KIF26B: variants seen among roughly 807,000 people sequenced by gnomAD.
The protein encoded by KIF26B is kinesin-like protein KIF26B.
Under a neutral mutation model 151.2 loss-of-function variants are expected in KIF26B, and 63 were observed. That is an observed-to-expected ratio of 0.42 (90% CI 0.34 to 0.51). KIF26B has a LOEUF of 0.51. Ranked by LOEUF, KIF26B falls within the 20% of genes least tolerant of loss-of-function variation. KIF26B has a pLI of 0.07. For missense variants in KIF26B, 2,813 were observed against 2,913.6 expected (o/e 0.97, Z 0.79); for synonymous variants, 1,357 against 1,262.1 (o/e 1.08, Z -1.59).
At chr1:245,509,594 G>A (rs1660790886) in intron 4 of KIF26B, among the ~76,000 whole-genome samples, 1 of 152,222 alleles carries the variant, frequency 6.6e-6, no homozygotes, top group African/African-American at 2.4e-5. Context: ...TGTCAATGAA[G>A]CAATGGGTCT....
chr1:245,366,083 A>G (rs1301863422), intron 2 of KIF26B, among the ~76,000 whole-genome samples: 1 of 152,202 alleles, frequency 6.6e-6, no homozygotes, highest in East Asian at 1.9e-4. Context: ...TCCATCTGCA[A>G]CTAACTTTCT....
At chr1:245,646,325 T>G in intron 10 of KIF26B, 45 bp downstream of exon 10, 1 of 1,595,502 alleles carries the variant, frequency 6.3e-7, no homozygotes, top group South Asian at 1.1e-5. Flanking sequence ...GTAAGCATGG[T>G]GTGGGACGCT....
intron 5 of KIF26B, among the ~76,000 whole-genome samples, chr1:245,599,953 GCT>G (rs2043374645): frequency 1.3e-5 from 2 of 151,950 alleles, no homozygotes; most frequent in Non-Finnish European, 2.9e-5. Flanking sequence ...TTCATAACTA[GCT>G]CTGTCTGTCG....
chr1:245,159,292 G>C (rs1668497206), intron 2 of KIF26B, among the ~76,000 whole-genome samples: 3 of 152,154 alleles, frequency 2.0e-5, no homozygotes, highest in Admixed American at 2.0e-4. Flanking sequence ...ATGTCTCCTA[G>C]GTAGATATTT....
intron 2 of KIF26B, among the ~76,000 whole-genome samples, chr1:245,225,041 A>G (rs1186310802): frequency 1.3e-5 from 2 of 152,234 alleles, no homozygotes; most frequent in Non-Finnish European, 2.9e-5. Flanking sequence ...TGAGTTTCCA[A>G]GGTAGTTTAC....
intron 2 of KIF26B, among the ~76,000 whole-genome samples, chr1:245,356,398 G>A (rs1475435467): frequency 6.6e-6 from 1 of 151,790 alleles, no homozygotes; most frequent in Non-Finnish European, 1.5e-5. Flanking sequence ...TCTACTAAAA[G>A]TACAAAAATT....
At chr1:245,232,564 T>G (rs1228800747) in intron 2 of KIF26B, among the ~76,000 whole-genome samples, 2 of 151,888 alleles carry the variant, frequency 1.3e-5, no homozygotes, top group Non-Finnish European at 2.9e-5. Flanking sequence ...TTTTTTTTTT[T>G]TTTGAGATGG....
chr1:245,520,842 A>G (rs1661086167), intron 4 of KIF26B, among the ~76,000 whole-genome samples: 1 of 152,184 alleles, frequency 6.6e-6, no homozygotes, highest in Admixed American at 6.5e-5. Context: ...CCCTTAGGGA[A>G]CATTGTAGGA....
chr1:245,468,076 G>A (rs1299363158), intron 4 of KIF26B, among the ~76,000 whole-genome samples: 1 of 151,134 alleles, frequency 6.6e-6, no homozygotes, highest in Non-Finnish European at 1.5e-5. Flanking sequence ...CAGGGTGGGG[G>A]TGGGGATGGG....
At chr1:245,577,450 A>G (rs1047795818) in intron 5 of KIF26B, among the ~76,000 whole-genome samples, 2 of 152,262 alleles carry the variant, frequency 1.3e-5, no homozygotes, top group Non-Finnish European at 2.9e-5. Flanking sequence ...ATTAGTCAAG[A>G]GCACTTCCAC....
chr1:245,686,944 A>G lies in KIF26B; in HGVS notation c.3961A>G (p.Ser1321Gly), dbSNP rs753517186. 1.1e-5 allele frequency: 17 copies of G among 1,613,500 alleles called. No homozygotes were observed. Among genetic ancestry groups the G allele is most frequent in the Non-Finnish European group, 1.4e-5 (16 of 1,179,804 alleles). ...ACCTGTGGCCTCGGAGTTTGTCAGC[A>G]GCCTCCAGAACACCGCTGTGGTGTG... is the stretch of plus-strand genomic sequence containing the variant. Reference protein sequence around the residue: ...AEPVASEFVSSLQNTAVVCRE... With the variant: ...AEPVASEFVSGLQNTAVVCRE... The change falls in exon 12 of 15, where the codon AGC (serine) becomes GGC (glycine). Residue 1321 changes from serine (S) to glycine (G), a missense_variant. By Grantham distance (56) the Ser-to-Gly change is moderately conservative. Transcript: ENST00000407071. This position sits in a 1 kb window ranked among gnomAD's most constrained non-coding sequence, Gnocchi z 5.6.
intron 2 of KIF26B, among the ~76,000 whole-genome samples, chr1:245,323,660 A>G (rs1163132190): frequency 6.6e-6 from 1 of 152,224 alleles, no homozygotes; most frequent in Non-Finnish European, 1.5e-5. Context: ...TAGTTAAGAA[A>G]GGCTCTGAAA....
intron 4 of KIF26B, among the ~76,000 whole-genome samples, chr1:245,500,901 A>G (rs1383736366): frequency 6.6e-6 from 1 of 152,248 alleles, no homozygotes; most frequent in Non-Finnish European, 1.5e-5. Flanking sequence ...TAAGTCAGTC[A>G]GCAGCATTGC....
intron 2 of KIF26B, among the ~76,000 whole-genome samples, chr1:245,196,061 C>G (rs746661549): frequency 6.6e-6 from 1 of 152,076 alleles, no homozygotes; most frequent in Non-Finnish European, 1.5e-5. Context: ...GATGATAGAA[C>G]TATTTGTTTC....
chr1:245,570,170 T>A (rs2043053760), intron 5 of KIF26B, among the ~76,000 whole-genome samples: 1 of 151,970 alleles, frequency 6.6e-6, no homozygotes, highest in Admixed American at 6.6e-5. Context: ...TCTCCTGACC[T>A]CGTGATCCAC....
intron 2 of KIF26B, among the ~76,000 whole-genome samples, chr1:245,233,770 G>C (rs554177765): frequency 1.3e-5 from 2 of 152,330 alleles, no homozygotes; most frequent in African/African-American, 4.8e-5. Context: ...TCTGATGAGA[G>C]TGAGCATTTG....
chr1:245,504,345 TC>T (rs1660685572), intron 4 of KIF26B, among the ~76,000 whole-genome samples: 1 of 77,664 alleles, frequency 1.3e-5, no homozygotes, highest in Non-Finnish European at 2.8e-5. Flanking sequence ...CCTCCTTCCC[TC>T]CCTCCCTCCC....
intron 5 of KIF26B, among the ~76,000 whole-genome samples, chr1:245,549,969 G>A (rs1312790446): frequency 3.9e-5 from 6 of 152,224 alleles, no homozygotes; most frequent in African/African-American, 1.4e-4. Flanking sequence ...AGTAGAGAGG[G>A]GGTTTCACCA....
rs74356690 is a variant in KIF26B at position 245,357,556 on chromosome 1, C to A, written c.466-9278C>A. Among the ~76,000 whole-genome samples, 593 of 152,256 alleles carry A rather than the reference C, an allele frequency of 3.9e-3. 4 individuals are homozygous for A. Among genetic ancestry groups the A allele is most frequent in the African/African-American group, 0.014 (567 of 41,550 alleles). ...CACCATGCACATCCAGTGAATGGTA[C>A]ACATTTAAAGCGTACACTTTGATAT... On this transcript the variant is annotated intron_variant, in intron 2 of 14. Coordinates refer to ENST00000407071, the MANE Select transcript of KIF26B (RefSeq NM_018012.4).
Sources: gnomAD v4.1 joint callset for allele counts (sites outside exome capture counted in the v4.1 genomes callset) on GRCh38, gnomAD v4.1.1 for gene constraint, Gnocchi (gnomAD v3.1) non-coding constraint, MANE v1.5 for transcripts, NCBI Gene and HGNC (gene_info 2026-07-23, HGNC 2026-07-21) for gene names.